The following PRELID2 variants were observed in gnomAD, a reference collection of about 807,000 sequenced individuals.
The protein encoded by PRELID2 is PRELI domain-containing protein 2.
In PRELID2, 25 loss-of-function variants were observed where a neutral mutation model predicts 28.4. That is an observed-to-expected ratio of 0.88 (90% CI 0.64 to 1.23). The LOEUF (loss-of-function observed/expected upper bound fraction) is 1.23. PRELID2 is among the 50% of genes most tolerant of loss of function. The probability of loss-of-function intolerance (pLI) is 0.00; values close to 1 mark genes in which losing one functional copy is unlikely to be tolerated. For synonymous variants in PRELID2, 76 were observed against 71.6 expected, an observed-to-expected ratio of 1.06 and a Z score of -0.31; for missense variants, 201 against 214.4, an observed-to-expected ratio of 0.94 and a Z score of 0.39.
chr5:145,718,547 C>T (rs926843939), intron 1 of PRELID2, among the ~76,000 whole-genome samples: 1 of 151,810 alleles, frequency 6.6e-6, no homozygotes, highest in Non-Finnish European at 1.5e-5. Context: ...AGAAATTTAT[C>T]ATATTTGCTC....
chr5:145,614,376 G>T (rs1405687037), intron 1 of PRELID2, among the ~76,000 whole-genome samples: 1 of 152,172 alleles, frequency 6.6e-6, no homozygotes, highest in Non-Finnish European at 1.5e-5. Context: ...GTATTTTGAT[G>T]GGGATTGCAC....
intron 1 of PRELID2, among the ~76,000 whole-genome samples, chr5:145,489,514 G>A (rs1025906285): frequency 2.6e-5 from 4 of 152,136 alleles, no homozygotes; most frequent in Non-Finnish European, 5.9e-5. Context: ...CTGAATTCAA[G>A]GAACTTTCCA....
chr5:145,482,641 A>C (rs1752172488), intron 1 of PRELID2, among the ~76,000 whole-genome samples: 1 of 152,054 alleles, frequency 6.6e-6, no homozygotes, highest in Admixed American at 6.6e-5. Context: ...GGTATGATTC[A>C]AGTGCATTAC....
chr5:145,435,909 G>A, the PRELID2 span, among the ~76,000 whole-genome samples: 1 of 152,092 alleles, frequency 6.6e-6, no homozygotes, highest in Admixed American at 6.6e-5. Context: ...CATATAGACT[G>A]AAAGATACCT....
chr5:145,729,000 T>G (rs1198456309), intron 1 of PRELID2: 3 of 726,030 alleles, frequency 4.1e-6, no homozygotes, highest in Non-Finnish European at 7.6e-6. Context: ...GGGGTCCCAC[T>G]CCCTCCTGGC....
chr5:145,289,106 G>T, the PRELID2 span, among the ~76,000 whole-genome samples: 1 of 151,884 alleles, frequency 6.6e-6, no homozygotes, highest in African/African-American at 2.4e-5. Flanking sequence ...GTCACAGTTT[G>T]CATTCTATCC....
chr5:145,772,312 A>G (rs1183375168), intron 5 of PRELID2, among the ~76,000 whole-genome samples: 1 of 152,206 alleles, frequency 6.6e-6, no homozygotes, highest in Non-Finnish European at 1.5e-5. Context: ...CAGGACCCTG[A>G]ATCTTACTAC....
chr5:145,794,719 T>C (rs368828452), intron 5 of PRELID2, among the ~76,000 whole-genome samples: 7 of 152,256 alleles, frequency 4.6e-5, no homozygotes, highest in African/African-American at 1.2e-4. Context: ...GGAATTCTCA[T>C]TCTCATTAAT....
intron 4 of PRELID2, 66 bp downstream of exon 4, chr5:145,817,828 T>C (rs1430626967): frequency 7.7e-6 from 10 of 1,304,656 alleles, no homozygotes; most frequent in Non-Finnish European, 1.0e-5. Flanking sequence ...CATAGATTTT[T>C]AATGTATGTA....
intron 5 of PRELID2, among the ~76,000 whole-genome samples, chr5:145,790,455 T>C (rs1191194344): frequency 6.6e-6 from 1 of 152,104 alleles, no homozygotes; most frequent in East Asian, 1.9e-4. Flanking sequence ...GAGAGTAGAA[T>C]GGTGGTTATC....
At chr5:145,506,929 T>C (rs575677656) in intron 1 of PRELID2, among the ~76,000 whole-genome samples, 10 of 152,202 alleles carry the variant, frequency 6.6e-5, no homozygotes, top group Non-Finnish European at 1.5e-4. Flanking sequence ...CCATTTTTGT[T>C]TTGTTTATTG....
At chr5:145,698,972 C>G (rs1755345534) in intron 1 of PRELID2, among the ~76,000 whole-genome samples, 1 of 152,184 alleles carries the variant, frequency 6.6e-6, no homozygotes, top group African/African-American at 2.4e-5. Context: ...GGTGATCCAC[C>G]CGCCTCAGCC....
At chr5:145,278,089 C>T in the PRELID2 span, among the ~76,000 whole-genome samples, 2 of 152,120 alleles carry the variant, frequency 1.3e-5, no homozygotes, top group African/African-American at 4.8e-5. Flanking sequence ...ATTTGGGCAT[C>T]GTTGGCAATC....
the PRELID2 span, among the ~76,000 whole-genome samples, chr5:145,359,821 A>G: frequency 6.6e-6 from 1 of 152,198 alleles, no homozygotes; most frequent in Non-Finnish European, 1.5e-5. Context: ...GTATGCTTGC[A>G]TGTTAAGTTA....
At chr5:145,663,242 C>T (rs1383035691) in intron 1 of PRELID2, among the ~76,000 whole-genome samples, 3 of 152,144 alleles carry the variant, frequency 2.0e-5, no homozygotes, top group Non-Finnish European at 2.9e-5. Flanking sequence ...TCACCTGCCC[C>T]ATGACAGACA....
chr5:145,370,377 G>T, the PRELID2 span, among the ~76,000 whole-genome samples: 1 of 152,000 alleles, frequency 6.6e-6, no homozygotes, highest in East Asian at 1.9e-4. Context: ...TATTGAATAG[G>T]AGATCCTTTC....
chr5:145,280,664 T>C, the PRELID2 span, among the ~76,000 whole-genome samples: 1 of 151,708 alleles, frequency 6.6e-6, no homozygotes, highest in East Asian at 1.9e-4. Context: ...TAATAAAATA[T>C]AATAAAATAA....
chr5:145,264,847 G>A, the PRELID2 span, among the ~76,000 whole-genome samples: 6 of 151,592 alleles, frequency 4.0e-5, no homozygotes, highest in African/African-American at 9.7e-5. Context: ...GGTGGTGGGC[G>A]GCTATGATCC....
At chr5:145,832,768 ACACAC>A (rs1009811134) in intron 1 of PRELID2, among the ~76,000 whole-genome samples, 32 of 151,994 alleles carry the variant, frequency 2.1e-4, no homozygotes, top group African/African-American at 4.8e-4. Flanking sequence ...GCGCACATAC[ACACAC>A]CACACCACAC....
Sources: gnomAD v4.1 joint callset for allele counts (sites outside exome capture counted in the v4.1 genomes callset) on GRCh38, gnomAD v4.1.1 for gene constraint, MANE v1.5 for transcripts, NCBI Gene and HGNC (gene_info 2026-07-23, HGNC 2026-07-21) for gene names.